EXOC2: variants seen among roughly 807,000 people sequenced by gnomAD.
The protein encoded by EXOC2 is SEC5-like 1.
A neutral mutation model predicts 131.8 loss-of-function variants in EXOC2; 70 were observed. The ratio of observed to expected loss-of-function variants is 0.53; its 90% CI spans 0.44 to 0.65. The LOEUF (loss-of-function observed/expected upper bound fraction) is 0.65, where lower values mean the gene tolerates loss of function less well. Among genes scored for constraint, EXOC2 ranks in the 30% least tolerant of loss-of-function variants. The pLI is 0.00. For synonymous variants in EXOC2, 411 were observed against 398.4 expected (o/e 1.03, Z -0.38); for missense variants, 923 against 1,108.6 (o/e 0.83, Z 2.38).
chr6:501,193 CTA>C (rs1252753916), intron 23 of EXOC2, among the ~76,000 whole-genome samples: 2 of 12,396 alleles, frequency 1.6e-4, no homozygotes, highest in African/African-American at 4.0e-4. Context: ...TTATATATAT[CTA>C]TATATATTAT....
In EXOC2 at chr6:602,485, CAAATCCACACACATTCTCACA is replaced by C. The variant is rs1760155585; in HGVS notation, c.743-3281_743-3261del. Among the ~76,000 whole-genome samples the C allele has an allele frequency of 8.7e-5, 3 of 34,568 alleles. No homozygotes were observed. In the South Asian group the frequency reaches 3.0e-3, roughly 35 times the overall value. The allele number at this position is 34,568 out of a possible 152,430, so 22.7% of individuals were successfully genotyped here. Reference sequence around the variant, plus strand: ...TCTCACACCAAGAACACCCCGTGTGCAAATCCACACACATTCTCACACCAAGAACACCCAATTTTAAGGCAG... The same window carrying C: ...TCTCACACCAAGAACACCCCGTGTGCCCAAGAACACCCAATTTTAAGGCAG... On this transcript the variant is annotated intron_variant, in intron 7 of 27. Transcript: ENST00000230449.
chr6:599,736 T>C (rs1274898285), intron 7 of EXOC2, among the ~76,000 whole-genome samples: 1 of 152,190 alleles, frequency 6.6e-6, no homozygotes, highest in African/African-American at 2.4e-5. Flanking sequence ...TACCTCTACG[T>C]AGCAGGCAAA....
At chr6:575,614 G>A (rs889854383) in intron 12 of EXOC2, among the ~76,000 whole-genome samples, 5 of 152,162 alleles carry the variant, frequency 3.3e-5, no homozygotes, top group African/African-American at 9.7e-5. Context: ...AGCAGATGCC[G>A]GCGCAATGCT....
chr6:650,533 CATT>C (rs1364035118), intron 1 of EXOC2, among the ~76,000 whole-genome samples: 1 of 152,156 alleles, frequency 6.6e-6, no homozygotes, highest in African/African-American at 2.4e-5. Flanking sequence ...TTAGTTAAAA[CATT>C]ATATTTAGAT....
chr6:547,989 A>G (rs757188570), intron 22 of EXOC2, among the ~76,000 whole-genome samples: 1 of 152,256 alleles, frequency 6.6e-6, no homozygotes, highest in African/African-American at 2.4e-5. Context: ...ATCATTTCAC[A>G]TATTTTAAAA....
At chr6:649,857 C>A (rs1762753239) in intron 1 of EXOC2, among the ~76,000 whole-genome samples, 1 of 152,138 alleles carries the variant, frequency 6.6e-6, no homozygotes, top group Non-Finnish European at 1.5e-5. Context: ...TTATTTTCTA[C>A]AGATACAGTG....
intron 25 of EXOC2, among the ~76,000 whole-genome samples, chr6:495,868 T>C (rs1466731230): frequency 6.6e-6 from 1 of 152,028 alleles, no homozygotes; most frequent in African/African-American, 2.4e-5. Flanking sequence ...TGAGACATTG[T>C]CCCACGGGTC....
chr6:626,136 T>G (rs1031843624), intron 4 of EXOC2, among the ~76,000 whole-genome samples: 8 of 152,222 alleles, frequency 5.3e-5, no homozygotes, highest in Non-Finnish European at 1.2e-4. Flanking sequence ...AATATAGACT[T>G]TTTACAAGCA....
chr6:586,851 C>A (rs1759237706), intron 11 of EXOC2, among the ~76,000 whole-genome samples: 1 of 152,240 alleles, frequency 6.6e-6, no homozygotes, highest in Non-Finnish European at 1.5e-5. Context: ...CCCACCCCTA[C>A]TCAGGATACG....
intron 1 of EXOC2, among the ~76,000 whole-genome samples, chr6:674,623 A>G (rs866454042): frequency 7.2e-5 from 11 of 152,176 alleles, no homozygotes; most frequent in African/African-American, 2.4e-4. Context: ...CTCCTTGGCA[A>G]TAAGAAACAC....
rs1264713673 is a variant in EXOC2, at chr6:634,295, G to C, written c.119-1178C>G. 2.6e-5 allele frequency among the ~76,000 whole-genome samples: 4 copies of C among 152,224 alleles called. No homozygotes were observed. The East Asian group carries it at 7.7e-4, about 29-fold the overall frequency. On this transcript the variant is annotated intron_variant, in intron 2 of 27. Transcript: ENST00000230449. The stretch of plus-strand genomic sequence containing the variant: ...AGACACAGTTTCGTCATGCTGGTCA[G>C]GCTGGTCTCGAACTCCTGGCCTCAA...
At chr6:532,378 G>C (rs1243263858) in intron 23 of EXOC2, 91 bp downstream of exon 23, 2 of 1,295,578 alleles carry the variant, frequency 1.5e-6, no homozygotes, top group African/African-American at 3.0e-5. Flanking sequence ...GTAGATATGA[G>C]AAAAATGAGA....
At chr6:526,509 C>T (rs1258359812) in intron 23 of EXOC2, among the ~76,000 whole-genome samples, 8 of 140,572 alleles carry the variant, frequency 5.7e-5, no homozygotes, top group African/African-American at 5.3e-5. Flanking sequence ...GGCGTAATCT[C>T]GGCTCACGGC....
intron 23 of EXOC2, among the ~76,000 whole-genome samples, chr6:514,753 G>A (rs1473748340): frequency 6.6e-6 from 1 of 152,218 alleles, no homozygotes; most frequent in Non-Finnish European, 1.5e-5. Context: ...CACACCACAG[G>A]CAGATGTGTG....
intron 23 of EXOC2, among the ~76,000 whole-genome samples, chr6:501,727 T>C (rs1409945971): frequency 7.2e-6 from 1 of 139,642 alleles, no homozygotes; most frequent in African/African-American, 2.7e-5. Context: ...TATATCTATC[T>C]ATGTATATAT....
intron 5 of EXOC2, among the ~76,000 whole-genome samples, chr6:618,668 A>G (rs1200864118): frequency 6.6e-6 from 1 of 152,236 alleles, no homozygotes; most frequent in Non-Finnish European, 1.5e-5. Flanking sequence ...CATCTTGGAC[A>G]TTTGCTTTAA....
intron 1 of EXOC2, among the ~76,000 whole-genome samples, chr6:659,155 A>G (rs1763299186): frequency 6.6e-6 from 1 of 152,156 alleles, no homozygotes. Context: ...AAATCTTACT[A>G]TCTTCATGTA....
At chr6:659,025 A>G (rs190415742) in intron 1 of EXOC2, among the ~76,000 whole-genome samples, 49 of 152,304 alleles carry the variant, frequency 3.2e-4, no homozygotes, top group African/African-American at 1.2e-3. Context: ...ATGACTGTCA[A>G]TGAATTATTC....
intron 1 of EXOC2, among the ~76,000 whole-genome samples, chr6:672,068 A>G (rs1763900394): frequency 6.6e-6 from 1 of 152,122 alleles, no homozygotes; most frequent in African/African-American, 2.4e-5. Context: ...CCCACTATAC[A>G]TACATTATAC....
Sources: allele counts gnomAD v4.1 joint callset (sites outside exome capture counted in the v4.1 genomes callset), GRCh38; gene constraint gnomAD v4.1.1; transcripts MANE v1.5; gene names NCBI Gene and HGNC (gene_info 2026-07-23, HGNC 2026-07-21).